The following STAG1 variants were observed in gnomAD, a reference collection of about 807,000 sequenced individuals.
STAG1 encodes the protein cohesin subunit SA-1.
STAG1 carries 26 observed loss-of-function variants against 170.9 expected under a neutral mutation model. The ratio of observed to expected loss-of-function variants is 0.15; its 90% CI spans 0.11 to 0.21. STAG1 has a LOEUF of 0.21. Among genes scored for constraint, STAG1 ranks in the 10% least tolerant of loss-of-function variants. The probability of loss-of-function intolerance (pLI) is 1.00; values close to 1 mark genes in which losing one functional copy is unlikely to be tolerated. For synonymous variants in STAG1, 514 were observed against 497.7 expected (o/e 1.03, Z -0.44); for missense variants, 964 against 1,509.5 (o/e 0.64, Z 5.99).
chr3:136,625,556 T>C (rs891371564), intron 2 of STAG1, among the ~76,000 whole-genome samples: 11 of 150,058 alleles, frequency 7.3e-5, no homozygotes, highest in Non-Finnish European at 2.9e-5. Flanking sequence ...TGCATACGTA[T>C]GCTTTAAGTT....
At chr3:136,541,538 T>TCACACACACACACACACTCACTCACA (rs34969907) in intron 6 of STAG1, among the ~76,000 whole-genome samples, 7 of 123,122 alleles carry the variant, frequency 5.7e-5, no homozygotes, top group Non-Finnish European at 1.2e-4. Flanking sequence ...AGCTTAACAT[T>TCACACACACACACACACTCACTCACA]CACACACACA....
chr3:136,559,639 T>C lies in STAG1; in HGVS notation c.394+9126A>G, dbSNP rs551245476. Among the ~76,000 whole-genome samples the C allele has an allele frequency of 2.0e-5, 3 of 152,332 alleles. No individual in the cohort carries two copies. In the South Asian group the frequency reaches 6.2e-4, roughly 32 times the overall value. Reference sequence around the variant, plus strand: ...CTCACACAAAATGATATGGGTAATGTGGATATTTTAAATATTCAAAGGAAA... The same window carrying C: ...CTCACACAAAATGATATGGGTAATGCGGATATTTTAAATATTCAAAGGAAA... On this transcript the variant is annotated intron_variant, in intron 5 of 33. Coordinates refer to ENST00000383202, the MANE Select transcript of STAG1 (RefSeq NM_005862.3).
chr3:136,382,737 T>C (rs1291432367), intron 22 of STAG1, among the ~76,000 whole-genome samples: 1 of 152,066 alleles, frequency 6.6e-6, no homozygotes, highest in Non-Finnish European at 1.5e-5. Flanking sequence ...TATTATTTTT[T>C]CCCAATGGGG....
rs539372504 is a variant in STAG1, at chr3:136,487,480, C to T, written c.903-10068G>A. Among the ~76,000 whole-genome samples the T allele has an allele frequency of 9.9e-5, 15 of 152,274 alleles. No individual in the cohort carries two copies. In the South Asian group the frequency reaches 3.1e-3, roughly 32 times the overall value. On this transcript the variant is annotated intron_variant, in intron 9 of 33. Transcript: ENST00000383202. Reference sequence around the variant, plus strand: ...TACTTCAGATGCCAGTTCAATCCTTCCCATCTTAACTTTAAAAATGTAAAT... The same window carrying T: ...TACTTCAGATGCCAGTTCAATCCTTTCCATCTTAACTTTAAAAATGTAAAT...
At chr3:136,463,186 A>C (rs947262803) in intron 13 of STAG1, among the ~76,000 whole-genome samples, 2 of 152,144 alleles carry the variant, frequency 1.3e-5, no homozygotes, top group Non-Finnish European at 2.9e-5. Flanking sequence ...ATGCCTGAAA[A>C]CCTTGACTTT....
At chr3:136,733,948 A>T (rs1376926215) in intron 1 of STAG1, among the ~76,000 whole-genome samples, 1 of 152,080 alleles carries the variant, frequency 6.6e-6, no homozygotes, top group Non-Finnish European at 1.5e-5. Context: ...TCTACTAAAA[A>T]TACAAAAAAT....
intron 1 of STAG1, among the ~76,000 whole-genome samples, chr3:136,687,801 A>G (rs954771816): frequency 3.3e-5 from 5 of 150,404 alleles, no homozygotes; most frequent in African/African-American, 7.4e-5. Context: ...CCATGGCATG[A>G]TATCAGCTCA....
At chr3:136,466,451 GA>G in intron 12 of STAG1, among the ~76,000 whole-genome samples, 1 of 151,760 alleles carries the variant, frequency 6.6e-6, no homozygotes, top group East Asian at 1.9e-4. Flanking sequence ...GAAGTTAAGA[GA>G]AAAAAGAGTA....
chr3:136,618,338 T>C (rs1310097370), intron 3 of STAG1, among the ~76,000 whole-genome samples: 1 of 152,228 alleles, frequency 6.6e-6, no homozygotes, highest in Non-Finnish European at 1.5e-5. Flanking sequence ...GCGTCAGGGA[T>C]AAGAACCCCT....
chr3:136,421,668 G>C (rs750390569), intron 19 of STAG1, among the ~76,000 whole-genome samples: 32 of 152,080 alleles, frequency 2.1e-4, no homozygotes, highest in Non-Finnish European at 4.1e-4. Context: ...AGAAGTCACA[G>C]AAATAATTAG....
chr3:136,708,429 A>G (rs1212026530), intron 1 of STAG1, among the ~76,000 whole-genome samples: 1 of 152,052 alleles, frequency 6.6e-6, no homozygotes, highest in Non-Finnish European at 1.5e-5. Flanking sequence ...AGAGATAGAA[A>G]GCATATTAGT....
intron 1 of STAG1, among the ~76,000 whole-genome samples, chr3:136,688,068 A>G (rs1255794892): frequency 6.6e-6 from 1 of 152,140 alleles, no homozygotes; most frequent in East Asian, 1.9e-4. Context: ...GCCTGGTCCA[A>G]GCATCTTGGG....
chr3:136,399,501 T>C (rs2087257174), intron 21 of STAG1, among the ~76,000 whole-genome samples: 1 of 152,234 alleles, frequency 6.6e-6, no homozygotes, highest in South Asian at 2.1e-4. Context: ...GTATTGAGTC[T>C]GACTTTTTTC....
intron 22 of STAG1, among the ~76,000 whole-genome samples, chr3:136,388,426 TG>T (rs2086923757): frequency 6.6e-6 from 1 of 152,206 alleles, no homozygotes; most frequent in Non-Finnish European, 1.5e-5. Context: ...TGGAGTGCAG[TG>T]GTGCGATCTT....
intron 9 of STAG1, among the ~76,000 whole-genome samples, chr3:136,491,666 TGATTACTTA>T (rs1370853390): frequency 6.6e-6 from 1 of 152,164 alleles, no homozygotes; most frequent in Non-Finnish European, 1.5e-5. Flanking sequence ...TTACTGTAAA[TGATTACTTA>T]GATCTAGCAG....
At position 136,338,397 on chromosome 3, in the gene STAG1, G is replaced by A. The variant is rs192497288; in HGVS notation, c.3726C>T (p.Asp1242=). 51 of 1,613,652 alleles carry A rather than the reference G, an allele frequency of 3.2e-5. No individual in the cohort carries two copies. The Admixed American group carries it at 8.2e-4, about 26-fold the overall frequency. ...AATCATCTTCTATGATAGCTGCAGA[G>A]TCAAAGAAGTCTGGCCTTAGCTCAG... The part of the protein sequence containing the change: ...ERAELRPDFF[D]SAAIIEDDSG... The change falls in exon 33 of 34, where the codon GAC becomes GAT. Residue 1242 remains aspartate (D), a synonymous_variant. Coordinates refer to ENST00000383202, the MANE Select transcript of STAG1 (RefSeq NM_005862.3).
chr3:136,349,853 A>T (rs480162), intron 28 of STAG1, among the ~76,000 whole-genome samples: 57,673 of 151,756 alleles, frequency 0.38, 13,419 homozygotes, highest in East Asian at 0.81. Context: ...AATGGAGAAA[A>T]ATTTATTCAA....
intron 22 of STAG1, among the ~76,000 whole-genome samples, chr3:136,393,736 C>T (rs2108331805): frequency 6.6e-6 from 1 of 151,944 alleles, no homozygotes; most frequent in Non-Finnish European, 1.5e-5. Flanking sequence ...GCTAGGACTA[C>T]AGGCATGTGT....
intron 1 of STAG1, among the ~76,000 whole-genome samples, chr3:136,702,962 G>A (rs1226257947): frequency 1.3e-5 from 2 of 151,360 alleles, no homozygotes; most frequent in African/African-American, 4.9e-5. Context: ...CAGCTACTCA[G>A]GAGGCTGAGG....
Sources: allele counts gnomAD v4.1 joint callset (sites outside exome capture counted in the v4.1 genomes callset), GRCh38; gene constraint gnomAD v4.1.1; transcripts MANE v1.5; gene names NCBI Gene and HGNC (gene_info 2026-07-23, HGNC 2026-07-21).